EYS: variants seen among roughly 807,000 people sequenced by gnomAD.
EYS encodes EGF-like photoreceptor maintenance factor, also known as protein eyes shut homolog.
A neutral mutation model predicts 282.1 loss-of-function variants in EYS; 250 were observed. The ratio of observed to expected loss-of-function variants is 0.89; its 90% CI spans 0.80 to 0.98. The LOEUF (loss-of-function observed/expected upper bound fraction) is 0.98. Ranked by LOEUF, EYS falls within the 50% of genes least tolerant of loss-of-function variation. The pLI, the probability that EYS is intolerant of heterozygous loss-of-function variation, is 0.00. For missense variants in EYS, 4,016 were observed against 3,709.0 expected (o/e 1.08, Z -2.15); for synonymous variants, 1,355 against 1,282.9 (o/e 1.06, Z -1.20).
intron 22 of EYS, among the ~76,000 whole-genome samples, chr6:64,754,208 A>G (rs1048873974): frequency 1.3e-5 from 2 of 152,104 alleles, no homozygotes; most frequent in African/African-American, 4.8e-5. Context: ...ACACTACTAT[A>G]AATGGCTATA....
intron 35 of EYS, among the ~76,000 whole-genome samples, chr6:63,883,299 C>T (rs541749350): frequency 2.3e-4 from 35 of 152,304 alleles, no homozygotes; most frequent in Admixed American, 1.7e-3. Flanking sequence ...GTGTGCCATG[C>T]CACATCACCA....
chr6:64,363,210 C>T (rs7757285), intron 29 of EYS, among the ~76,000 whole-genome samples: 4,727 of 151,822 alleles, frequency 0.031, 232 homozygotes, highest in African/African-American at 0.11. Context: ...TTTTCAATGT[C>T]GATTTAATCA....
chr6:64,912,650 A>G lies in EYS; in HGVS notation c.2475T>C (p.His825=). The G allele has an allele frequency of 6.5e-7, 1 of 1,549,244 alleles. No homozygotes were observed. Among genetic ancestry groups the G allele is most frequent in the Non-Finnish European group, 8.7e-7 (1 of 1,145,226 alleles). ...SDPCMNGGLC[H]ESTIPGQFVC... Reference sequence around the variant, plus strand: ...CAAATTGTCCAGGGATGGTAGATTCATGACAAAGACCTCCATTCATGCATG... The same window carrying G: ...CAAATTGTCCAGGGATGGTAGATTCGTGACAAAGACCTCCATTCATGCATG... Residue 825 remains histidine, a synonymous_variant, in exon 16 of 43, where the codon CAT becomes CAC. Transcript: ENST00000503581.
chr6:64,591,735 C>A lies in EYS; in HGVS notation c.4132G>T (p.Ala1378Ser). The A allele has an allele frequency of 6.4e-7, 1 of 1,551,354 alleles. No homozygotes were observed. Among genetic ancestry groups the A allele is most frequent in the Non-Finnish European group, 8.7e-7 (1 of 1,146,780 alleles). ...TCAGGAAAAAAGAAACCTAGTGTGG[C>A]TGCTGAAGTTCGAATAGGCATATGT... ...VSHMPIRTSA[A>S]TLGFFFPDRR... The change falls in exon 26 of 43, where the codon GCC becomes TCC. Residue 1378 changes from alanine to serine, a missense_variant. By Grantham distance (99) the Ala-to-Ser change is moderately conservative. Coordinates refer to ENST00000503581, the MANE Select transcript of EYS (RefSeq NM_001142800.2).
chr6:64,257,133 C>G (rs1164451229), intron 30 of EYS, among the ~76,000 whole-genome samples: 1 of 151,952 alleles, frequency 6.6e-6, no homozygotes, highest in Non-Finnish European at 1.5e-5. Context: ...TCATTTCTTT[C>G]TCTACTCTTT....
At chr6:65,406,151 T>C (rs1766728927) in intron 5 of EYS, among the ~76,000 whole-genome samples, 1 of 152,106 alleles carries the variant, frequency 6.6e-6, no homozygotes, top group African/African-American at 2.4e-5. Context: ...AGGCTTAAAT[T>C]TTCATTCACT....
intron 12 of EYS, among the ~76,000 whole-genome samples, chr6:65,288,278 A>T (rs1768425775): frequency 6.6e-6 from 1 of 150,898 alleles, no homozygotes; most frequent in African/African-American, 2.4e-5. Context: ...AAAGAACTGG[A>T]GTGAATAGCT....
chr6:65,446,160 T>A (rs1768649361), intron 5 of EYS, among the ~76,000 whole-genome samples: 1 of 151,750 alleles, frequency 6.6e-6, no homozygotes, highest in Non-Finnish European at 1.5e-5. Flanking sequence ...TAGTTTATCA[T>A]TTGTCCAAAG....
At chr6:65,438,782 A>C (rs1451092089) in intron 5 of EYS, among the ~76,000 whole-genome samples, 1 of 152,010 alleles carries the variant, frequency 6.6e-6, no homozygotes, top group Non-Finnish European at 1.5e-5. Flanking sequence ...AGATTGCAAA[A>C]ATTTTCTCCC....
chr6:63,908,154 G>A (rs779670609), intron 35 of EYS, among the ~76,000 whole-genome samples: 2 of 150,746 alleles, frequency 1.3e-5, no homozygotes, highest in Non-Finnish European at 2.9e-5. Flanking sequence ...TGCTATTGTG[G>A]ATAGTGCTGT....
chr6:65,595,287 G>A (rs1257294379), intron 2 of EYS, among the ~76,000 whole-genome samples: 1 of 152,024 alleles, frequency 6.6e-6, no homozygotes, highest in Non-Finnish European at 1.5e-5. Flanking sequence ...CATGGACACA[G>A]CAAGGGGAAT....
In EYS at chr6:65,639,870, T is replaced by C. The variant is rs1208905423; in HGVS notation, c.-425A>G. 6.6e-6 allele frequency: 1 copy of C among 152,124 alleles called. No homozygotes were observed. Among genetic ancestry groups the C allele is most frequent in the Non-Finnish European group, 1.5e-5 (1 of 68,026 alleles). 9.4% of individuals were successfully genotyped at this position (152,124 alleles called of 1,614,324 possible). Reference sequence around the variant, plus strand: ...GGATCCAGACTTGACTCCCCAGGTGTAAGAGAAGAGTGAGGCACAAAGCTG... The same window carrying C: ...GGATCCAGACTTGACTCCCCAGGTGCAAGAGAAGAGTGAGGCACAAAGCTG... On this transcript the variant is annotated 5_prime_UTR_variant, in exon 2 of 43. Coordinates refer to ENST00000503581, the MANE Select transcript of EYS (RefSeq NM_001142800.2).
At chr6:63,759,557 C>G (rs1442597154) in intron 41 of EYS, among the ~76,000 whole-genome samples, 1 of 152,052 alleles carries the variant, frequency 6.6e-6, no homozygotes, top group Admixed American at 6.6e-5. Context: ...TAGCCAGTGC[C>G]TACTTATCTT....
chr6:65,171,867 GTATTT>G (rs1765113045), intron 12 of EYS, among the ~76,000 whole-genome samples: 1 of 151,374 alleles, frequency 6.6e-6, no homozygotes, highest in Non-Finnish European at 1.5e-5. Flanking sequence ...AATTTTTGTT[GTATTT>G]TATTTAATTA....
At chr6:65,164,442 T>G (rs1008664145) in intron 12 of EYS, among the ~76,000 whole-genome samples, 1 of 151,398 alleles carries the variant, frequency 6.6e-6, no homozygotes, top group Non-Finnish European at 1.5e-5. Context: ...GTTTCATTAC[T>G]GTACACTTTC....
intron 12 of EYS, among the ~76,000 whole-genome samples, chr6:65,271,276 G>C (rs548357304): frequency 4.2e-4 from 63 of 151,524 alleles, no homozygotes; most frequent in African/African-American, 1.5e-3. Flanking sequence ...GAGACCCAGA[G>C]AGTCAATGAT....
At chr6:65,538,208 G>A (rs1483651241) in intron 2 of EYS, among the ~76,000 whole-genome samples, 3 of 152,156 alleles carry the variant, frequency 2.0e-5, no homozygotes, top group African/African-American at 4.8e-5. Context: ...TAAGTTGAAA[G>A]AAAAGGTAAA....
intron 11 of EYS, among the ~76,000 whole-genome samples, chr6:65,325,154 TCTC>T (rs1041932720): frequency 4.9e-4 from 75 of 152,098 alleles, no homozygotes; most frequent in South Asian, 2.1e-4. Context: ...ATCATAAACT[TCTC>T]CTCCTCCTCC....
At chr6:65,515,539 T>C (rs1373621568) in intron 2 of EYS, among the ~76,000 whole-genome samples, 6 of 151,400 alleles carry the variant, frequency 4.0e-5, no homozygotes, top group East Asian at 2.0e-4. Context: ...TTGGAACCAA[T>C]CCAAATGTCC....
Sources: allele counts gnomAD v4.1 joint callset (sites outside exome capture counted in the v4.1 genomes callset), GRCh38; gene constraint gnomAD v4.1.1; transcripts MANE v1.5; gene names NCBI Gene and HGNC (gene_info 2026-07-23, HGNC 2026-07-21).